The following TLN2 variants were observed in gnomAD, a reference collection of about 807,000 sequenced individuals.
The protein encoded by TLN2 is talin-2.
In TLN2, 118 loss-of-function variants were observed where a neutral mutation model predicts 294.7. The ratio of observed to expected loss-of-function variants is 0.40; its 90% CI spans 0.34 to 0.47. The LOEUF (loss-of-function observed/expected upper bound fraction) is 0.47. Among genes scored for constraint, TLN2 ranks in the 20% least tolerant of loss-of-function variants. The pLI is 0.84. For synonymous variants in TLN2, 1,431 were observed against 1,304.5 expected, an observed-to-expected ratio of 1.10 and a Z score of -2.09; for missense variants, 3,083 against 3,282.2, an observed-to-expected ratio of 0.94 and a Z score of 1.48.
chr15:62,719,631 G>A, intron 24 of TLN2, 136 bp from the exon 25 acceptor site: 1 of 603,620 alleles, frequency 1.7e-6, no homozygotes, highest in East Asian at 3.1e-5. Context: ...AATGTGCAGT[G>A]TCTATCCAAG....
At chr15:62,838,463 C>G (rs538743000) in intron 57 of TLN2, among the ~76,000 whole-genome samples, 1 of 152,328 alleles carries the variant, frequency 6.6e-6, no homozygotes, top group African/African-American at 2.4e-5. Flanking sequence ...GCGCCAAGTC[C>G]TCAAGTATGT....
intron 40 of TLN2, 35 bp from the exon 41 acceptor site, chr15:62,766,286 T>C: frequency 6.3e-7 from 1 of 1,583,876 alleles, no homozygotes; most frequent in Non-Finnish European, 8.7e-7. Flanking sequence ...TGGGGAGCTG[T>C]TATGGGATGA....
At chr15:62,673,691 G>A in intron 9 of TLN2, 136 bp from the exon 10 acceptor site, 1 of 599,296 alleles carries the variant, frequency 1.7e-6, no homozygotes, top group Non-Finnish European at 2.9e-6. Context: ...GTAGGATATA[G>A]CAGTCTGTTA....
intron 1 of TLN2, among the ~76,000 whole-genome samples, chr15:62,475,054 T>C (rs1415547086): frequency 5.9e-5 from 9 of 152,174 alleles, no homozygotes; most frequent in Non-Finnish European, 1.3e-4. Context: ...TAGAGCCAAA[T>C]ACCCATTTAG....
At chr15:62,432,528 A>T (rs1328865163) in intron 1 of TLN2, among the ~76,000 whole-genome samples, 1 of 152,042 alleles carries the variant, frequency 6.6e-6, no homozygotes, top group Admixed American at 6.5e-5. Flanking sequence ...TTTCTAACAT[A>T]TGAATTTTGG....
intron 13 of TLN2, among the ~76,000 whole-genome samples, chr15:62,693,161 C>G (rs1019761544): frequency 1.3e-5 from 2 of 152,134 alleles, no homozygotes; most frequent in Non-Finnish European, 2.9e-5. Flanking sequence ...AAAACCCCGT[C>G]TCTACTAAAA....
rs1349993369 is a variant in TLN2 at position 62,762,266 on chromosome 15, T to G, written c.4780-6T>G. On this transcript the variant is annotated splice_polypyrimidine_tract_variant and splice_region_variant and intron_variant, in intron 38 of 58. Transcript: ENST00000636159. ...TGACTTTGATTTCTCTGCTGTTTGG[T>G]CTCAGGGTTCCCAGGCACAGGAACC... 6.2e-7 allele frequency: 1 copy of G among 1,613,904 alleles called. No homozygotes were observed. Among genetic ancestry groups the G allele is most frequent in the Non-Finnish European group, 8.5e-7 (1 of 1,179,932 alleles).
intron 1 of TLN2, among the ~76,000 whole-genome samples, chr15:62,581,625 G>T (rs183992598): frequency 1.3e-5 from 2 of 152,142 alleles, no homozygotes; most frequent in African/African-American, 4.8e-5. Context: ...TTGTTATACC[G>T]TGAAAGCCTT....
chr15:62,562,105 C>T (rs1233784155), intron 1 of TLN2, among the ~76,000 whole-genome samples: 2 of 152,140 alleles, frequency 1.3e-5, no homozygotes, highest in East Asian at 1.9e-4. Flanking sequence ...ACACCCGAAT[C>T]GTTTGGAGAT....
In TLN2 at chr15:62,520,837, C is replaced by T. The variant is rs561573821; in HGVS notation, c.-237-68850C>T. Among the ~76,000 whole-genome samples, 4 of 152,192 alleles carry T rather than the reference C, an allele frequency of 2.6e-5. No individual in the cohort carries two copies. In the South Asian group the frequency reaches 8.3e-4, roughly 32 times the overall value. ...AAATAATCTCTGAGGGCTATCTGTTCTTACTCAGATATTTTTTAAGGACCT... is the reference window on the plus strand; with the variant it reads ...AAATAATCTCTGAGGGCTATCTGTTTTTACTCAGATATTTTTTAAGGACCT... On this transcript the variant is annotated intron_variant, in intron 1 of 58. Coordinates refer to ENST00000636159, the MANE Select transcript of TLN2 (RefSeq NM_015059.3).
intron 54 of TLN2, chr15:62,828,284 A>T (rs1199538782): frequency 6.6e-6 from 1 of 152,302 alleles, no homozygotes; most frequent in Non-Finnish European, 1.5e-5. Context: ...TGTCCTCAGC[A>T]AGAGTTGGCC....
At position 62,833,456 on chromosome 15, in the gene TLN2, C is replaced by A. The variant is rs376284551; in HGVS notation, c.7003-48C>A. On this transcript the variant is annotated intron_variant, in intron 54 of 58. Transcript: ENST00000636159. ...CAGTAAGTAGTTTGGAAGAAAGAGC[C>A]CTTTGTGGATATGAATTGAATGTGA... is the stretch of plus-strand genomic sequence containing the variant. 6.9e-5 allele frequency: 110 copies of A among 1,597,788 alleles called. No individual in the cohort carries two copies. The African/African-American group carries it at 1.2e-3, about 18-fold the overall frequency.
At chr15:62,669,019 A>G (rs868442560) in intron 9 of TLN2, among the ~76,000 whole-genome samples, 43 of 152,326 alleles carry the variant, frequency 2.8e-4, no homozygotes, top group Middle Eastern at 3.4e-3. Flanking sequence ...TCTTGTGTGC[A>G]TCTCCTGATT....
intron 1 of TLN2, among the ~76,000 whole-genome samples, chr15:62,491,665 T>C (rs1214985221): frequency 6.6e-6 from 1 of 152,160 alleles, no homozygotes; most frequent in Non-Finnish European, 1.5e-5. Flanking sequence ...TTTTTAGGAA[T>C]AGAATGGGAG....
chr15:62,770,510 C>T (rs1333223498), intron 41 of TLN2, among the ~76,000 whole-genome samples: 1 of 152,202 alleles, frequency 6.6e-6, no homozygotes, highest in Admixed American at 6.6e-5. Flanking sequence ...TCAAAATGCT[C>T]TGGGCAAAAG....
At chr15:62,833,264 C>T (rs75982915) in intron 54 of TLN2, 2 of 489,530 alleles carry the variant, frequency 4.1e-6, no homozygotes, top group Non-Finnish European at 7.2e-6. Flanking sequence ...AAGGTACCAG[C>T]CACATCTTCC....
chr15:62,708,957 C>T (rs1037517257), intron 21 of TLN2, among the ~76,000 whole-genome samples, 161 bp downstream of exon 21: 1 of 152,212 alleles, frequency 6.6e-6, no homozygotes, highest in African/African-American at 2.4e-5. Context: ...AGATATAAGA[C>T]TCTTCCATAG....
intron 2 of TLN2, among the ~76,000 whole-genome samples, chr15:62,597,435 G>A (rs1005370861): frequency 6.6e-6 from 1 of 152,178 alleles, no homozygotes; most frequent in African/African-American, 2.4e-5. Context: ...ATGTTTAAAT[G>A]GATTCCCCTT....
At chr15:62,411,749 A>G (rs1347114936) in intron 1 of TLN2, among the ~76,000 whole-genome samples, 1 of 152,144 alleles carries the variant, frequency 6.6e-6, no homozygotes, top group Non-Finnish European at 1.5e-5. Flanking sequence ...TAATTTTTCA[A>G]GTACGCCAGA....
Sources: gnomAD v4.1 joint callset for allele counts (sites outside exome capture counted in the v4.1 genomes callset) on GRCh38, gnomAD v4.1.1 for gene constraint, MANE v1.5 for transcripts, NCBI Gene and HGNC (gene_info 2026-07-23, HGNC 2026-07-21) for gene names.